DPEP1: variants seen among roughly 807,000 people sequenced by gnomAD.
The protein encoded by DPEP1 is beta-lactamase.
A neutral mutation model predicts 42.3 loss-of-function variants in DPEP1; 50 were observed. That is an observed-to-expected ratio of 1.18 (90% CI 0.94 to 1.50). DPEP1 has a LOEUF of 1.50. Ranked by LOEUF, DPEP1 falls within the 40% of genes most tolerant of loss-of-function variation. The pLI is 0.00. For missense variants in DPEP1, 663 were observed against 553.0 expected (o/e 1.20, Z -1.99); for synonymous variants, 297 against 234.0 (o/e 1.27, Z -2.46).
intron 2 of DPEP1, among the ~76,000 whole-genome samples, chr16:89,631,068 C>T (rs2059581629): frequency 2.6e-5 from 4 of 152,068 alleles, no homozygotes. Flanking sequence ...CCAATCTCAC[C>T]CTGTGCCTCA....
At chr16:89,615,697 C>T (rs1289074835) in intron 1 of DPEP1, among the ~76,000 whole-genome samples, 2 of 152,282 alleles carry the variant, frequency 1.3e-5, no homozygotes, top group East Asian at 1.9e-4. Flanking sequence ...CGCGAGGCCC[C>T]GGTGAACTGG....
chr16:89,639,548 C>G (rs2059728969), downstream of DPEP1, among the ~76,000 whole-genome samples: 1 of 138,316 alleles, frequency 7.2e-6, no homozygotes, highest in Non-Finnish European at 1.6e-5. Context: ...TGCACACACA[C>G]ACACCCCACA....
chr16:89,617,281 G>C (rs1042921194), intron 1 of DPEP1, among the ~76,000 whole-genome samples: 1 of 152,168 alleles, frequency 6.6e-6, no homozygotes, highest in Non-Finnish European at 1.5e-5. Flanking sequence ...GGCTGAGCTG[G>C]GTGGAGGTGG....
intron 1 of DPEP1, among the ~76,000 whole-genome samples, chr16:89,629,363 G>A (rs1166932660): frequency 1.3e-5 from 2 of 152,062 alleles, no homozygotes; most frequent in African/African-American, 2.4e-5. Context: ...TTAGCCAGAC[G>A]TGGTGGTGCA....
chr16:89,632,755 C>G (rs754578622), intron 2 of DPEP1, among the ~76,000 whole-genome samples: 63 of 152,142 alleles, frequency 4.1e-4, no homozygotes, highest in Non-Finnish European at 7.1e-4. Flanking sequence ...ATCGTTTTCT[C>G]CAGCAAGAGT....
Position 89,635,890 on chromosome 16 carries a change from C to G in DPEP1, c.105-18C>G. On this transcript the variant is annotated intron_variant, in intron 2 of 10. Transcript: ENST00000690203. Reference sequence around the variant, plus strand: ...AGTGGCCGCCCTGACTGCCTGGCCTCTCCCCGGCAAACTCCAGGCACAATG... The same window carrying G: ...AGTGGCCGCCCTGACTGCCTGGCCTGTCCCCGGCAAACTCCAGGCACAATG... The G allele has an allele frequency of 6.3e-7, 1 of 1,580,734 alleles. No individual in the cohort carries two copies. Among genetic ancestry groups the G allele is most frequent in the Non-Finnish European group, 8.6e-7 (1 of 1,163,074 alleles).
intron 1 of DPEP1, among the ~76,000 whole-genome samples, chr16:89,620,324 ACT>A (rs751484792): frequency 4.6e-5 from 7 of 150,816 alleles, no homozygotes; most frequent in Non-Finnish European, 1.0e-4. Context: ...GCCACTTGAG[ACT>A]CTCTGGGCTC....
rs533006660 is a variant in DPEP1 at position 89,627,097 on chromosome 16, T to TA, written c.-106-3199dup. Among the ~76,000 whole-genome samples the TA allele has an allele frequency of 3.0e-3, 439 of 145,390 alleles. 2 individuals are homozygous for TA. Among genetic ancestry groups the TA allele is most frequent in the African/African-American group, 9.8e-3 (385 of 39,398 alleles). ...TAAAACGGTGAAAACTTGTCTCTAC[T>TA]AAAAAAAAAGAAAAAAAAGAAAAAA... is the stretch of plus-strand genomic sequence containing the variant. On this transcript the variant is annotated intron_variant, in intron 1 of 10. Transcript: ENST00000690203.
chr16:89,637,396 G>T lies in DPEP1; in HGVS notation c.768+16G>T, dbSNP rs370921087. ...GAGGCTGGTGGTGAGGGCCGAGGGG[G>T]CGACCTCCACCCCGCCTCCCTGGGC... On this transcript the variant is annotated intron_variant, in intron 7 of 10. Coordinates refer to ENST00000690203, the MANE Select transcript of DPEP1 (RefSeq NM_001389466.1). The T allele has an allele frequency of 6.2e-7, 1 of 1,612,280 alleles. No individual in the cohort carries two copies. The highest frequency in any genetic ancestry group is 8.5e-7 in the Non-Finnish European group (1 of 1,179,796).
At chr16:89,624,155 A>G (rs1473197783) in intron 1 of DPEP1, among the ~76,000 whole-genome samples, 1 of 152,200 alleles carries the variant, frequency 6.6e-6, no homozygotes, top group Non-Finnish European at 1.5e-5. Context: ...GAATGGTTGC[A>G]GGGCCAACTC....
intron 1 of DPEP1, among the ~76,000 whole-genome samples, chr16:89,621,810 G>C (rs1027178241): frequency 6.6e-6 from 1 of 152,212 alleles, no homozygotes; most frequent in Non-Finnish European, 1.5e-5. Context: ...GTACGCGGAC[G>C]TATCTGACCG....
rs920696483 is a variant in DPEP1, at chr16:89,627,953, C to T, written c.-106-2352C>T. 2.0e-5 allele frequency among the ~76,000 whole-genome samples: 3 copies of T among 148,150 alleles called. No homozygotes were observed. The East Asian group carries it at 6.2e-4, about 30-fold the overall frequency. ...TTTGTTTGTTTTTGAGACGGAGTCT[C>T]GCTCTTTCGCCCAGGCGGGAGTGCA... is the stretch of plus-strand genomic sequence containing the variant. On this transcript the variant is annotated intron_variant, in intron 1 of 10. Transcript: ENST00000690203.
chr16:89,639,716 C>A (rs1050057475), downstream of DPEP1, among the ~76,000 whole-genome samples: 8 of 151,702 alleles, frequency 5.3e-5, no homozygotes, highest in African/African-American at 1.9e-4. Context: ...GATGGAATCT[C>A]GCTCCGTCAC....
downstream of DPEP1, among the ~76,000 whole-genome samples, chr16:89,640,991 A>C (rs553083644): frequency 4.3e-3 from 649 of 152,312 alleles, 6 homozygotes; most frequent in African/African-American, 0.015. Context: ...TCACGTGTCC[A>C]CTGGACAGGG....
chr16:89,626,086 C>T (rs1469383996), intron 1 of DPEP1, among the ~76,000 whole-genome samples: 1 of 152,176 alleles, frequency 6.6e-6, no homozygotes, highest in African/African-American at 2.4e-5. Flanking sequence ...GTCCTCCCGC[C>T]ACTGTGAGGC....
rs1279355499 is a variant in DPEP1 at position 89,636,307 on chromosome 16, C to T, written c.281C>T (p.Ala94Val). 2 of 1,612,020 alleles carry T rather than the reference C, an allele frequency of 1.2e-6. No homozygotes were observed. The highest frequency in any genetic ancestry group is 2.7e-5 in the African/African-American group (2 of 74,922). ...YTPCDTQNKD[A>V]VRRTLEQMDV... ...CCCTGCGACACCCAGAACAAAGACG[C>T]CGTGCGGAGGACGCTGGAGCAGATG... The change falls in exon 4 of 11, where the codon GCC becomes GTC. Residue 94 changes from alanine to valine, a missense_variant. Coordinates refer to ENST00000690203, the MANE Select transcript of DPEP1 (RefSeq NM_001389466.1).
At chr16:89,625,247 C>A (rs1432821372) in intron 1 of DPEP1, among the ~76,000 whole-genome samples, 1 of 152,062 alleles carries the variant, frequency 6.6e-6, no homozygotes, top group African/African-American at 2.4e-5. Flanking sequence ...TTCCTTGATT[C>A]AGCACGAATT....
chr16:89,627,524 G>A (rs1485933843), intron 1 of DPEP1, among the ~76,000 whole-genome samples: 3 of 151,258 alleles, frequency 2.0e-5, no homozygotes, highest in South Asian at 2.1e-4. Flanking sequence ...GCCGTGAGCC[G>A]AGATTGTGCC....
chr16:89,637,587 G>T (rs371395043), intron 8 of DPEP1, 35 bp downstream of exon 8: 21 of 1,612,720 alleles, frequency 1.3e-5, no homozygotes, highest in African/African-American at 6.7e-5. Context: ...GGGGCCGAAG[G>T]GGGAGGGCCT....
Sources: gnomAD v4.1 joint callset for allele counts (sites outside exome capture counted in the v4.1 genomes callset) on GRCh38, gnomAD v4.1.1 for gene constraint, MANE v1.5 for transcripts, NCBI Gene and HGNC (gene_info 2026-07-23, HGNC 2026-07-21) for gene names.